RPTOR: variants seen among roughly 807,000 people sequenced by gnomAD.
RPTOR encodes regulatory-associated protein of mTOR.
RPTOR carries 21 observed loss-of-function variants against 169.9 expected under a neutral mutation model. The observed-to-expected ratio is 0.12, with a 90% confidence interval of 0.09 to 0.18. The LOEUF is 0.18. Among genes scored for constraint, RPTOR ranks in the 10% least tolerant of loss-of-function variants. The probability of loss-of-function intolerance (pLI) is 1.00; values close to 1 mark genes in which losing one functional copy is unlikely to be tolerated. For missense variants in RPTOR, 1,133 were observed against 1,855.9 expected (o/e 0.61, Z 7.16); for synonymous variants, 732 against 753.2 (o/e 0.97, Z 0.46).
intron 9 of RPTOR, among the ~76,000 whole-genome samples, chr17:80,825,463 GCTTTATAGAAGGTC>G (rs72017614): frequency 0.16 from 24,635 of 152,226 alleles, 2,094 homozygotes; most frequent in Middle Eastern, 0.21. Context: ...TATCAGTGCT[GCTTTATAGAAGGTC>G]CTTGTCTAGG....
intron 9 of RPTOR, among the ~76,000 whole-genome samples, chr17:80,827,081 G>A (rs79016006): frequency 0.035 from 5,294 of 152,300 alleles, 335 homozygotes; most frequent in African/African-American, 0.12. Context: ...GCAAAGCAGT[G>A]AATGTGAACA....
chr17:80,879,482 G>C (rs2068161252), intron 13 of RPTOR, among the ~76,000 whole-genome samples: 1 of 151,008 alleles, frequency 6.6e-6, no homozygotes, highest in African/African-American at 2.4e-5. Flanking sequence ...CTAGCAGCAG[G>C]AGTCTTTTCC....
chr17:80,609,721 G>T lies in RPTOR; in HGVS notation c.163-15970G>T, dbSNP rs958654733. ...GATTGCACTGCTGCACTCCAGCCTG[G>T]GCGACAGAGCGAGATTCTGTCTCAA... On this transcript the variant is annotated intron_variant, in intron 1 of 33. Transcript: ENST00000306801. The surrounding 1 kb of genome is among the most constrained non-coding windows in gnomAD (Gnocchi z 4.8). Among the ~76,000 whole-genome samples the T allele has an allele frequency of 2.0e-5, 3 of 151,904 alleles. No individual in the cohort carries two copies. The highest frequency in any genetic ancestry group is 4.4e-5 in the Non-Finnish European group (3 of 67,972).
At chr17:80,664,820 CAGA>C (rs2065751532) in intron 3 of RPTOR, among the ~76,000 whole-genome samples, 1 of 152,148 alleles carries the variant, frequency 6.6e-6, no homozygotes, top group Non-Finnish European at 1.5e-5. Context: ...TTATTTGCTT[CAGA>C]AGGAGTTGGA....
intron 1 of RPTOR, among the ~76,000 whole-genome samples, chr17:80,586,715 C>T (rs2065063470): frequency 6.6e-6 from 1 of 152,186 alleles, no homozygotes; most frequent in Admixed American, 6.5e-5. Context: ...CGGTCAGGGA[C>T]GCCGGTGTCC....
rs111769354 is a variant in RPTOR, at chr17:80,744,133, C to T, written c.655-9877C>T. Among the ~76,000 whole-genome samples, 55 of 41,282 alleles carry T rather than the reference C, an allele frequency of 1.3e-3. 1 individual carries two copies. The highest frequency in any genetic ancestry group is 3.0e-3 in the Admixed American group (10 of 3,288). The allele number at this position is 41,282 out of a possible 152,430, so 27.1% of individuals were successfully genotyped here. A position where few individuals can be genotyped will look rare whatever the true frequency, so the allele number is the denominator to read the frequency against. On this transcript the variant is annotated intron_variant, in intron 5 of 33. Coordinates refer to ENST00000306801, the MANE Select transcript of RPTOR (RefSeq NM_020761.3). ...GCCCTGGTTACTAGCACAGCCCTGG[C>T]TACTAGCACTATCCTGGTTACTAGC...
At chr17:80,733,331 C>G (rs2066407669) in intron 5 of RPTOR, among the ~76,000 whole-genome samples, 1 of 152,334 alleles carries the variant, frequency 6.6e-6, no homozygotes, top group South Asian at 2.1e-4. Context: ...ATTCAAGTCT[C>G]TCCGCTTTCA....
At chr17:80,827,427 C>A (rs12947198) in intron 9 of RPTOR, among the ~76,000 whole-genome samples, 23,073 of 152,202 alleles carry the variant, frequency 0.15, 1,910 homozygotes, top group Middle Eastern at 0.23. Flanking sequence ...CAGTTGAGAC[C>A]ACCCGCCGTC....
chr17:80,587,391 A>T (rs950367792), intron 1 of RPTOR, among the ~76,000 whole-genome samples: 2 of 152,224 alleles, frequency 1.3e-5, no homozygotes, highest in Admixed American at 6.5e-5. Flanking sequence ...TGAGCCATTG[A>T]ATACAGTGTC....
rs905645403 is a variant in RPTOR at position 80,960,516 on chromosome 17, G to A, written c.3605+311G>A. Among the ~76,000 whole-genome samples the A allele has an allele frequency of 4.6e-5, 7 of 152,106 alleles. No homozygotes were observed. The highest frequency in any genetic ancestry group is 7.4e-5 in the Non-Finnish European group (5 of 67,998). ...GAGGCTGTCGGGGTGAGGCAGGGCC[G>A]CAGCCAGGCACCTGCCACCTCTGAG... On this transcript the variant is annotated intron_variant, in intron 30 of 33. Transcript: ENST00000306801. This position sits in a 1 kb window ranked among gnomAD's most constrained non-coding sequence, Gnocchi z 4.8.
chr17:80,711,063 C>A (rs1212257288), intron 4 of RPTOR, among the ~76,000 whole-genome samples: 4 of 152,182 alleles, frequency 2.6e-5, no homozygotes, highest in African/African-American at 9.7e-5. Flanking sequence ...GCTTTGCCAA[C>A]TGACTTTTGC....
chr17:80,605,557 C>A (rs1414056482), intron 1 of RPTOR, among the ~76,000 whole-genome samples: 1 of 152,104 alleles, frequency 6.6e-6, no homozygotes, highest in Non-Finnish European at 1.5e-5. Flanking sequence ...AGTCTCTTAT[C>A]TAGTGATCAT....
intron 1 of RPTOR, among the ~76,000 whole-genome samples, chr17:80,584,957 A>G (rs2065046535): frequency 6.6e-6 from 1 of 152,222 alleles, no homozygotes; most frequent in African/African-American, 2.4e-5. Context: ...GATTCATAAA[A>G]TATAGAAAGA....
intron 3 of RPTOR, among the ~76,000 whole-genome samples, chr17:80,687,830 G>A (rs968086271): frequency 6.6e-6 from 1 of 152,210 alleles, no homozygotes; most frequent in African/African-American, 2.4e-5. Context: ...GAGGCCGACA[G>A]TGAGTTGTAG....
chr17:80,848,392 G>T (rs139657910), intron 11 of RPTOR, among the ~76,000 whole-genome samples: 3 of 152,230 alleles, frequency 2.0e-5, no homozygotes, highest in Non-Finnish European at 4.4e-5. Flanking sequence ...CGTTATTACT[G>T]TTCTTCCTGT....
At chr17:80,891,896 C>A in intron 18 of RPTOR, 59 bp downstream of exon 18, 1 of 1,234,656 alleles carries the variant, frequency 8.1e-7, no homozygotes. Flanking sequence ...CTAGTGCAGG[C>A]CGCGGCCCAG....
At chr17:80,873,362 G>A (rs1223415473) in intron 13 of RPTOR, among the ~76,000 whole-genome samples, 1 of 151,992 alleles carries the variant, frequency 6.6e-6, no homozygotes, top group Admixed American at 6.6e-5. Flanking sequence ...CCCAAACATG[G>A]GTTCTTTTAT....
rs1311696423 is a variant in RPTOR at position 80,966,171 on chromosome 17, C to T, written c.*1841C>T. The T allele has an allele frequency of 5.3e-5, 11 of 208,082 alleles. No homozygotes were observed. Among genetic ancestry groups the T allele is most frequent in the Admixed American group, 3.2e-4 (5 of 15,604 alleles). 12.9% of individuals were successfully genotyped at this position (208,082 alleles called of 1,614,324 possible). ...GCCCACCCCCATGGGCACCGCGTGC[C>T]GCCTGCACGTGGGCTGTCTTCACAG... is the stretch of plus-strand genomic sequence containing the variant. On this transcript the variant is annotated 3_prime_UTR_variant, in exon 34 of 34. Transcript: ENST00000306801.
chr17:80,731,937 G>A (rs1354766360), intron 5 of RPTOR, among the ~76,000 whole-genome samples: 1 of 152,138 alleles, frequency 6.6e-6, no homozygotes, highest in Non-Finnish European at 1.5e-5. Flanking sequence ...TGACTGATAA[G>A]TATAATGTGG....
Sources: gnomAD v4.1 joint callset for allele counts (sites outside exome capture counted in the v4.1 genomes callset) on GRCh38, gnomAD v4.1.1 for gene constraint, Gnocchi (gnomAD v3.1) non-coding constraint, MANE v1.5 for transcripts, NCBI Gene and HGNC (gene_info 2026-07-23, HGNC 2026-07-21) for gene names.